CSGALNACT1: variants seen among roughly 807,000 people sequenced by gnomAD.
The protein encoded by CSGALNACT1 is beta4GalNAcT-1.
A neutral mutation model predicts 51.0 loss-of-function variants in CSGALNACT1; 52 were observed. That is an observed-to-expected ratio of 1.02 (90% CI 0.82 to 1.29). CSGALNACT1 has a LOEUF of 1.29. CSGALNACT1 is among the 50% of genes most tolerant of loss of function. The pLI is 0.00. For synonymous variants in CSGALNACT1, 341 were observed against 254.4 expected (o/e 1.34, Z -3.24); for missense variants, 935 against 679.2 (o/e 1.38, Z -4.19).
chr8:19,496,274 C>T (rs1355423960), intron 4 of CSGALNACT1, among the ~76,000 whole-genome samples: 1 of 152,186 alleles, frequency 6.6e-6, no homozygotes, highest in Admixed American at 6.5e-5. Flanking sequence ...CCATAGAACA[C>T]AGATCAGATC....
intron 3 of CSGALNACT1, among the ~76,000 whole-genome samples, chr8:19,513,319 C>T (rs9644631): frequency 0.53 from 79,788 of 150,038 alleles, 22,807 homozygotes; most frequent in East Asian, 0.83. Flanking sequence ...CAAAATGTAA[C>T]GGAAGACACA....
chr8:19,468,647 T>G (rs1218263915), intron 4 of CSGALNACT1, among the ~76,000 whole-genome samples: 1 of 151,746 alleles, frequency 6.6e-6, no homozygotes, highest in East Asian at 1.9e-4. Flanking sequence ...GAAAAAAGCT[T>G]GAGAGAATGT....
intron 9 of CSGALNACT1, among the ~76,000 whole-genome samples, chr8:19,407,748 G>A (rs28461516): frequency 3.6e-5 from 5 of 137,576 alleles, no homozygotes; most frequent in Middle Eastern, 4.1e-3. Flanking sequence ...AATTGTGTGT[G>A]CATGTGGACA....
chr8:19,522,797 T>C (rs2080981499), intron 3 of CSGALNACT1, among the ~76,000 whole-genome samples: 1 of 152,176 alleles, frequency 6.6e-6, no homozygotes, highest in Non-Finnish European at 1.5e-5. Context: ...TTCAATACAC[T>C]AACGTTCTAA....
intron 3 of CSGALNACT1, among the ~76,000 whole-genome samples, chr8:19,518,026 C>A (rs56672726): frequency 6.6e-6 from 1 of 152,058 alleles, no homozygotes; most frequent in African/African-American, 2.4e-5. Context: ...AAGTAAGCAC[C>A]TGGAGAGATC....
At chr8:19,493,529 C>T (rs75130946) in intron 4 of CSGALNACT1, among the ~76,000 whole-genome samples, 1 of 152,226 alleles carries the variant, frequency 6.6e-6, no homozygotes, top group South Asian at 2.1e-4. Flanking sequence ...GGCAAACACT[C>T]GTCTATTCTC....
intron 3 of CSGALNACT1, among the ~76,000 whole-genome samples, chr8:19,525,428 G>T (rs942869575): frequency 6.6e-6 from 1 of 150,872 alleles, no homozygotes; most frequent in Non-Finnish European, 1.5e-5. Flanking sequence ...ACATGGTGAA[G>T]CCCCACCTCT....
rs1370472424 is a variant in CSGALNACT1, at chr8:19,736,895, G to T, written c.-297+20955C>A. Among the ~76,000 whole-genome samples, 3 of 150,550 alleles carry T rather than the reference G, an allele frequency of 2.0e-5. No homozygotes were observed. The East Asian group carries it at 5.9e-4, about 30-fold the overall frequency. Reference sequence around the variant, plus strand: ...AGATTGATGAAAGACAATTATCCTTGAGTTCAGGAATCTCACAAAACTCTG... The same window carrying T: ...AGATTGATGAAAGACAATTATCCTTTAGTTCAGGAATCTCACAAAACTCTG... On this transcript the variant is annotated intron_variant, in intron 1 of 1. Transcript: ENST00000517494.
At chr8:19,662,058 GCCCCCACCCCCCCCCA>G (rs2058785973) in intron 1 of CSGALNACT1, among the ~76,000 whole-genome samples, 2 of 33,926 alleles carry the variant, frequency 5.9e-5, no homozygotes, top group African/African-American at 2.1e-4. Context: ...TATTACAGTT[GCCCCCACCCCCCCCCA>G]CCCCCCCCCC....
intron 1 of CSGALNACT1, among the ~76,000 whole-genome samples, chr8:19,620,453 G>C (rs1243724838): frequency 2.7e-5 from 4 of 146,750 alleles, no homozygotes; most frequent in East Asian, 1.9e-4. Context: ...TCTTGAGAAA[G>C]GGTCTTGCTC....
At chr8:19,551,003 C>T (rs1272041665) in intron 3 of CSGALNACT1, among the ~76,000 whole-genome samples, 3 of 152,170 alleles carry the variant, frequency 2.0e-5, no homozygotes, top group African/African-American at 7.2e-5. Flanking sequence ...GACTTCCCAG[C>T]AATCACCAGT....
chr8:19,727,538 A>T (rs1326947216), intron 1 of CSGALNACT1, among the ~76,000 whole-genome samples: 2 of 151,922 alleles, frequency 1.3e-5, no homozygotes, highest in Admixed American at 1.3e-4. Context: ...TTGTGTAGAG[A>T]TGGGGTTTCA....
intron 4 of CSGALNACT1, among the ~76,000 whole-genome samples, chr8:19,467,108 G>A (rs950980985): frequency 2.4e-5 from 3 of 125,988 alleles, no homozygotes; most frequent in Non-Finnish European, 3.2e-5. Flanking sequence ...ACTAGCAGCT[G>A]ACTTTTTTTT....
intron 4 of CSGALNACT1, among the ~76,000 whole-genome samples, chr8:19,469,561 T>C (rs1485216005): frequency 6.6e-6 from 1 of 152,164 alleles, no homozygotes; most frequent in Non-Finnish European, 1.5e-5. Context: ...TGTTTTTCCT[T>C]CAATTCCTTG....
chr8:19,467,964 C>A (rs1377645767), intron 4 of CSGALNACT1, among the ~76,000 whole-genome samples: 1 of 152,192 alleles, frequency 6.6e-6, no homozygotes, highest in Non-Finnish European at 1.5e-5. Context: ...CCAGCCTCAG[C>A]AACAGAGTGA....
chr8:19,459,499 G>A (rs1031909306), intron 4 of CSGALNACT1, among the ~76,000 whole-genome samples: 1 of 151,958 alleles, frequency 6.6e-6, no homozygotes, highest in African/African-American at 2.4e-5. Flanking sequence ...ATGGGTTGGG[G>A]GACCCTCTGG....
intron 8 of CSGALNACT1, among the ~76,000 whole-genome samples, chr8:19,409,439 C>G (rs2055142803): frequency 6.6e-6 from 1 of 151,794 alleles, no homozygotes; most frequent in Non-Finnish European, 1.5e-5. Context: ...AAGTAAATTT[C>G]CAATATATTT....
intron 5 of CSGALNACT1, among the ~76,000 whole-genome samples, chr8:19,447,035 C>T (rs757701769): frequency 6.6e-5 from 10 of 152,178 alleles, no homozygotes; most frequent in Non-Finnish European, 1.3e-4. Context: ...TCCCAAGAGC[C>T]AAAAGCCCTT....
intron 3 of CSGALNACT1, among the ~76,000 whole-genome samples, chr8:19,529,751 A>G (rs2082374971): frequency 6.6e-6 from 1 of 152,176 alleles, no homozygotes; most frequent in African/African-American, 2.4e-5. Context: ...CCATGTATGC[A>G]CAGCTCCCTT....
Sources: gnomAD v4.1 joint callset for allele counts (sites outside exome capture counted in the v4.1 genomes callset) on GRCh38, gnomAD v4.1.1 for gene constraint, MANE v1.5 for transcripts, NCBI Gene and HGNC (gene_info 2026-07-23, HGNC 2026-07-21) for gene names.